The following HMCN1 variants were observed in gnomAD, a reference collection of about 807,000 sequenced individuals.
HMCN1 encodes the protein hemicentin 1.
Under a neutral mutation model 625.9 loss-of-function variants are expected in HMCN1, and 321 were observed. The ratio of observed to expected loss-of-function variants is 0.51; its 90% CI spans 0.47 to 0.56. HMCN1 has a LOEUF of 0.56. Among genes scored for constraint, HMCN1 ranks in the 20% least tolerant of loss-of-function variants. The pLI, the probability that HMCN1 is intolerant of heterozygous loss-of-function variation, is 0.00. For missense variants in HMCN1, 6,588 were observed against 6,887.3 expected (o/e 0.96, Z 1.54); for synonymous variants, 2,425 against 2,417.6 (o/e 1.00, Z -0.09).
intron 63 of HMCN1, among the ~76,000 whole-genome samples, chr1:186,090,484 A>G (rs1346291406): frequency 1.3e-5 from 2 of 151,976 alleles, no homozygotes; most frequent in Non-Finnish European, 2.9e-5. Context: ...ATCTAAGAGT[A>G]ATTTAATTTG....
intron 1 of HMCN1, among the ~76,000 whole-genome samples, chr1:185,832,492 T>C (rs1660927404): frequency 1.3e-5 from 2 of 152,090 alleles, no homozygotes; most frequent in Non-Finnish European, 2.9e-5. Flanking sequence ...AGAATACATA[T>C]GTGAATCATA....
In HMCN1 at chr1:186,125,827, G is replaced by A. The variant is rs377266223; in HGVS notation, c.12690+33G>A. 109 of 1,525,228 alleles carry A rather than the reference G, an allele frequency of 7.1e-5. 1 individual carries two copies. In the African/African-American group the frequency reaches 1.4e-3, roughly 19 times the overall value. 94.5% of individuals were successfully genotyped at this position (1,525,228 alleles called of 1,614,324 possible). ...TAATGGACGTGAACAGATACATTAA[G>A]CCAGATTGTAAATTTGCCATCATAC... On this transcript the variant is annotated intron_variant, in intron 82 of 106. Coordinates refer to ENST00000271588, the MANE Select transcript of HMCN1 (RefSeq NM_031935.3).
intron 11 of HMCN1, among the ~76,000 whole-genome samples, chr1:185,956,502 C>T (rs1558093433): frequency 6.6e-6 from 1 of 152,198 alleles, no homozygotes; most frequent in East Asian, 1.9e-4. Flanking sequence ...TACAGATGAA[C>T]AGCCATAGGG....
chr1:186,133,642 C>A (rs1433275166), intron 86 of HMCN1, among the ~76,000 whole-genome samples: 1 of 152,126 alleles, frequency 6.6e-6, no homozygotes, highest in Non-Finnish European at 1.5e-5. Flanking sequence ...TTGAGAGATG[C>A]TCTAGATTAG....
chr1:185,793,760 G>A (rs970429689), intron 1 of HMCN1, among the ~76,000 whole-genome samples: 1 of 152,092 alleles, frequency 6.6e-6, no homozygotes, highest in Non-Finnish European at 1.5e-5. Context: ...GGGTTTTCAG[G>A]GGACATTTTT....
intron 85 of HMCN1, among the ~76,000 whole-genome samples, chr1:186,131,604 A>G (rs1661935245): frequency 1.3e-5 from 2 of 152,070 alleles, no homozygotes; most frequent in Admixed American, 1.3e-4. Context: ...CTAAACCAAC[A>G]TTTATTTTTC....
At chr1:186,115,969 C>T (rs1316363906) in intron 75 of HMCN1, among the ~76,000 whole-genome samples, 1 of 151,662 alleles carries the variant, frequency 6.6e-6, no homozygotes, top group East Asian at 1.9e-4. Flanking sequence ...TATAGGTGAG[C>T]ATCATTTTTT....
intron 1 of HMCN1, among the ~76,000 whole-genome samples, chr1:185,827,184 A>G (rs905993553): frequency 8.6e-5 from 13 of 151,256 alleles, no homozygotes; most frequent in Non-Finnish European, 4.4e-5. Flanking sequence ...AAAAAAAAAA[A>G]AAAAGAAAAA....
chr1:185,991,320 G>GA (rs1329325415), intron 22 of HMCN1, among the ~76,000 whole-genome samples: 17 of 151,916 alleles, frequency 1.1e-4, no homozygotes, highest in African/African-American at 3.1e-4. Flanking sequence ...CTATTTGTTT[G>GA]AAAAAAATAT....
chr1:185,925,236 G>A, intron 9 of HMCN1, 45 bp downstream of exon 9: 1 of 1,553,392 alleles, frequency 6.4e-7, no homozygotes, highest in Non-Finnish European at 8.9e-7. Flanking sequence ...CATTTAACAT[G>A]TAAATATAAA....
At chr1:185,982,707 C>T (rs891700658) in intron 18 of HMCN1, among the ~76,000 whole-genome samples, 1 of 152,090 alleles carries the variant, frequency 6.6e-6, no homozygotes, top group African/African-American at 2.4e-5. Context: ...TCTCAAAGTG[C>T]TGGGATTACA....
rs1355249665 is a variant in HMCN1 at position 185,980,982 on chromosome 1, A to G, written c.2571A>G (p.Leu857=). 2 of 1,590,852 alleles carry G rather than the reference A, an allele frequency of 1.3e-6. No individual in the cohort carries two copies. The highest frequency in any genetic ancestry group is 2.7e-5 in the African/African-American group (2 of 74,588). ...TAAATGAGTTCTTCCTTTTAGACTT[A>G]TGGGCAAGTGATAAAGGAACCTATA... The part of the protein sequence containing the change: ...LRTGALFILN[L]WASDKGTYIC... The change falls in exon 17 of 107, where the codon TTA becomes TTG. Residue 857 remains leucine (L), a synonymous_variant. Coordinates refer to ENST00000271588, the MANE Select transcript of HMCN1 (RefSeq NM_031935.3).
rs1381870338 is a variant in HMCN1 at position 186,074,838 on chromosome 1, T to C, written c.8237T>C (p.Val2746Ala). 6.2e-6 allele frequency: 10 copies of C among 1,612,986 alleles called. No homozygotes were observed. The highest frequency in any genetic ancestry group is 2.2e-5 in the South Asian group (2 of 91,066). The change falls in exon 53 of 107, where the codon GTA becomes GCA. Residue 2746 changes from valine (V) to alanine (A), a missense_variant. Transcript: ENST00000271588. ...QISDTGRYTCVASNIAGEDEL... is the reference protein window; with the variant it reads ...QISDTGRYTCAASNIAGEDEL... The stretch of plus-strand genomic sequence containing the variant: ...TCAGACACCGGACGATATACTTGTG[T>C]AGCATCTAACATTGCAGGTGAAGAT...
At chr1:185,764,580 C>T (rs139135696) in intron 1 of HMCN1, among the ~76,000 whole-genome samples, 1,607 of 152,176 alleles carry the variant, frequency 0.011, 13 homozygotes, top group Middle Eastern at 0.058. Flanking sequence ...ACTTATGGAT[C>T]TAATATTAAC....
intron 15 of HMCN1, 27 bp downstream of exon 15, chr1:185,970,520 T>C (rs778284185): frequency 6.3e-7 from 1 of 1,587,314 alleles, no homozygotes; most frequent in Non-Finnish European, 8.7e-7. Context: ...TATAGGCCAA[T>C]TTGTTTAGAA....
intron 5 of HMCN1, among the ~76,000 whole-genome samples, chr1:185,910,217 AG>A (rs1173640766): frequency 6.6e-6 from 1 of 152,138 alleles, no homozygotes; most frequent in African/African-American, 2.4e-5. Flanking sequence ...ATTTATAAAT[AG>A]GGAAGGGGAT....
At chr1:185,892,064 T>C (rs1665132045) in intron 4 of HMCN1, among the ~76,000 whole-genome samples, 1 of 151,324 alleles carries the variant, frequency 6.6e-6, no homozygotes, top group African/African-American at 2.5e-5. Context: ...ATTCATTTCA[T>C]CTTCCATCGC....
chr1:186,019,989 G>C (rs1208717003), intron 35 of HMCN1, among the ~76,000 whole-genome samples: 1 of 151,948 alleles, frequency 6.6e-6, no homozygotes, highest in Non-Finnish European at 1.5e-5. Flanking sequence ...TCTCACAGAT[G>C]AATGATGTTC....
At chr1:186,182,347 G>A (rs986860524) in intron 105 of HMCN1, 60 bp downstream of exon 105, 2 of 1,604,082 alleles carry the variant, frequency 1.2e-6, no homozygotes, top group African/African-American at 2.7e-5. Flanking sequence ...CAGAGAGTGT[G>A]AGAAGTTTTT....
Sources: allele counts gnomAD v4.1 joint callset (sites outside exome capture counted in the v4.1 genomes callset), GRCh38; gene constraint gnomAD v4.1.1; transcripts MANE v1.5; gene names NCBI Gene and HGNC (gene_info 2026-07-23, HGNC 2026-07-21).